The following STK33 variants were observed in gnomAD, a reference collection of about 807,000 sequenced individuals.
The protein encoded by STK33 is serine/threonine kinase 33.
In STK33, 52 loss-of-function variants were observed where a neutral mutation model predicts 58.0. The observed-to-expected ratio is 0.90, with a 90% confidence interval of 0.72 to 1.13. STK33 has a LOEUF of 1.13. Ranked by LOEUF, STK33 falls within the 50% of genes most tolerant of loss-of-function variation. The pLI is 0.00. For synonymous variants in STK33, 215 were observed against 200.1 expected, an observed-to-expected ratio of 1.07 and a Z score of -0.63; for missense variants, 630 against 604.2, an observed-to-expected ratio of 1.04 and a Z score of -0.45.
At position 8,562,014 on chromosome 11, in the gene STK33, T is replaced by G. The variant is rs184805024; in HGVS notation, c.-466+32069A>C. Among the ~76,000 whole-genome samples the G allele has an allele frequency of 7.2e-5, 11 of 152,338 alleles. No homozygotes were observed. The East Asian group carries it at 1.7e-3, about 24-fold the overall frequency. On this transcript the variant is annotated intron_variant, in intron 1 of 15. Transcript: ENST00000687296. ...AACAGCTATAAAGCCTCACATCCTA[T>G]GACTGACCACCAGAGAGGGATTGCC...
intron 1 of STK33, among the ~76,000 whole-genome samples, chr11:8,557,241 ACC>A (rs1565358032): frequency 5.3e-5 from 3 of 56,694 alleles, no homozygotes; most frequent in Non-Finnish European, 7.2e-5. Context: ...ACAGAGGGGG[ACC>A]TTGTGGGGAA....
In STK33 at chr11:8,424,165, T is replaced by G. The variant is rs544799995; in HGVS notation, c.1147-10473A>C. 2.5e-5 allele frequency among the ~76,000 whole-genome samples: 3 copies of G among 120,444 alleles called. No homozygotes were observed. In the Admixed American group the frequency reaches 3.2e-4, roughly 13 times the overall value. 79.0% of individuals were successfully genotyped at this position (120,444 alleles called of 152,430 possible). A position where few individuals can be genotyped will look rare whatever the true frequency, so the allele number is the denominator to read the frequency against. Reference sequence around the variant, plus strand: ...CCCCCAACCCCACAACAGGCCCCGGTGTGTGATGTTCCCCTTCCTGTGTCC... The same window carrying G: ...CCCCCAACCCCACAACAGGCCCCGGGGTGTGATGTTCCCCTTCCTGTGTCC... On this transcript the variant is annotated intron_variant, in intron 14 of 15. Coordinates refer to ENST00000687296, the MANE Select transcript of STK33 (RefSeq NM_001352389.2).
chr11:8,573,624 G>T (rs1044788182), intron 1 of STK33, among the ~76,000 whole-genome samples: 1 of 152,164 alleles, frequency 6.6e-6, no homozygotes, highest in South Asian at 2.1e-4. Context: ...ACAGAAACTT[G>T]TACACAAACG....
chr11:8,488,519 G>C (rs1950345735), intron 1 of STK33, among the ~76,000 whole-genome samples: 1 of 152,108 alleles, frequency 6.6e-6, no homozygotes, highest in South Asian at 2.1e-4. Flanking sequence ...TGTTGCAAGT[G>C]TAGCCCAACA....
chr11:8,374,902 C>T, the STK33 span, among the ~76,000 whole-genome samples: 2 of 152,196 alleles, frequency 1.3e-5, no homozygotes, highest in Non-Finnish European at 2.9e-5. Flanking sequence ...AGATTCTGGT[C>T]TGGCGGCCGC....
chr11:8,584,448 C>T (rs752348757), intron 1 of STK33, among the ~76,000 whole-genome samples: 10 of 152,202 alleles, frequency 6.6e-5, no homozygotes, highest in Admixed American at 1.3e-4. Context: ...AAGACTAGAA[C>T]TCCTGAGCTG....
chr11:8,507,855 CA>C (rs541141053), intron 1 of STK33, among the ~76,000 whole-genome samples: 221 of 152,290 alleles, frequency 1.5e-3, no homozygotes, highest in Non-Finnish European at 2.5e-3. Context: ...TCTACAATAA[CA>C]AATACCTTGT....
At chr11:8,578,645 T>C (rs1350338810) in intron 1 of STK33, among the ~76,000 whole-genome samples, 1 of 151,880 alleles carries the variant, frequency 6.6e-6, no homozygotes, top group Non-Finnish European at 1.5e-5. Flanking sequence ...TACTCAATTG[T>C]TACTTGGCTC....
the STK33 span, among the ~76,000 whole-genome samples, chr11:8,361,564 A>T: frequency 2.3e-3 from 351 of 150,634 alleles, 3 homozygotes; most frequent in Middle Eastern, 0.014. This position sits in a 1 kb window ranked among gnomAD's most constrained non-coding sequence, Gnocchi z 4.8. Flanking sequence ...CAACCTCTGG[A>T]CCTTTCGTTG....
At chr11:8,395,232 G>A (rs183280311) in intron 15 of STK33, among the ~76,000 whole-genome samples, 1 of 152,356 alleles carries the variant, frequency 6.6e-6, no homozygotes, top group East Asian at 1.9e-4. Context: ...GAGGGACCCA[G>A]TGGGAGGTAA....
intron 1 of STK33, among the ~76,000 whole-genome samples, chr11:8,522,476 A>G (rs949885174): frequency 2.0e-5 from 3 of 151,916 alleles, no homozygotes; most frequent in African/African-American, 7.2e-5. Context: ...GCCAAAAAAA[A>G]AAAAAGAATG....
At chr11:8,520,585 T>C (rs1278005982) in intron 1 of STK33, among the ~76,000 whole-genome samples, 1 of 152,094 alleles carries the variant, frequency 6.6e-6, no homozygotes, top group East Asian at 1.9e-4. Context: ...GATTGTATAT[T>C]TAGAAAACCC....
At chr11:8,516,464 A>G (rs560195933) in intron 1 of STK33, among the ~76,000 whole-genome samples, 6 of 152,294 alleles carry the variant, frequency 3.9e-5, no homozygotes, top group African/African-American at 1.2e-4. Context: ...TGCATTTCCA[A>G]CTGAGGTACT....
intron 1 of STK33, among the ~76,000 whole-genome samples, chr11:8,481,645 G>A (rs1465897611): frequency 1.3e-5 from 2 of 152,056 alleles, no homozygotes; most frequent in Non-Finnish European, 2.9e-5. Context: ...TTTCCTTTCA[G>A]AGCAAAACTT....
rs1665665161 is a variant in STK33, at chr11:8,392,701, A to G, written c.1354T>C (p.Tyr452His). 2 of 1,614,198 alleles carry G rather than the reference A, an allele frequency of 1.2e-6. No individual in the cohort carries two copies. Among genetic ancestry groups the G allele is most frequent in the African/African-American group, 1.3e-5 (1 of 75,046 alleles). The change falls in exon 16 of 16, where the codon TAT becomes CAT. Residue 452 changes from tyrosine (Y) to histidine (H), a missense_variant. Physicochemically the swap from Tyr to His is moderately conservative, Grantham distance 83. Transcript: ENST00000687296. ...CTGGTTGCAGGAAATTGCTTTTCAT[A>G]AGCAGTAGACTGCAAATAAAAGGTC... ...DEEEEKQSTAYEKQFPATSKD... is the reference protein window; with the variant it reads ...DEEEEKQSTAHEKQFPATSKD...
At chr11:8,418,413 C>T (rs576751166) in intron 14 of STK33, among the ~76,000 whole-genome samples, 1 of 152,144 alleles carries the variant, frequency 6.6e-6, no homozygotes, top group Non-Finnish European at 1.5e-5. Flanking sequence ...CCGCAAAAGA[C>T]ATGATCTTAT....
At chr11:8,529,074 C>T (rs1591643913) in intron 1 of STK33, among the ~76,000 whole-genome samples, 4 of 152,238 alleles carry the variant, frequency 2.6e-5, no homozygotes, top group East Asian at 3.9e-4. Context: ...TAGTAAACAG[C>T]GAAACTAGGG....
chr11:8,517,331 A>C (rs1461796786), intron 1 of STK33, among the ~76,000 whole-genome samples: 2 of 152,228 alleles, frequency 1.3e-5, no homozygotes, highest in East Asian at 3.9e-4. Flanking sequence ...CTCCATCTGT[A>C]CGTCACCATC....
intron 1 of STK33, among the ~76,000 whole-genome samples, chr11:8,493,170 G>A (rs994741422): frequency 2.0e-5 from 3 of 152,042 alleles, no homozygotes; most frequent in East Asian, 1.9e-4. Flanking sequence ...CTGGTTTTTT[G>A]AAAAGATCAA....
Sources: allele counts gnomAD v4.1 joint callset (sites outside exome capture counted in the v4.1 genomes callset), GRCh38; gene constraint gnomAD v4.1.1; non-coding constraint Gnocchi (gnomAD v3.1); transcripts MANE v1.5; gene names NCBI Gene and HGNC (gene_info 2026-07-23, HGNC 2026-07-21).